The following LYPD6 variants were observed in gnomAD, a reference collection of about 807,000 sequenced individuals.
LYPD6 encodes ly6/PLAUR domain-containing protein 6.
Under a neutral mutation model 22.7 loss-of-function variants are expected in LYPD6, and 15 were observed. The ratio of observed to expected loss-of-function variants is 0.66; its 90% confidence interval spans 0.44 to 1.02. The LOEUF (loss-of-function observed/expected upper bound fraction) is 1.02, where lower values mean the gene tolerates loss of function less well. LYPD6 is among the 50% of genes least tolerant of loss of function. The probability of loss-of-function intolerance (pLI) is 0.00; values close to 1 mark genes in which losing one functional copy is unlikely to be tolerated. For synonymous variants in LYPD6, 72 were observed against 77.5 expected (o/e 0.93, Z 0.37); for missense variants, 189 against 208.4 (o/e 0.91, Z 0.57).
chr2:149,402,361 T>C (rs955336243), intron 1 of LYPD6, among the ~76,000 whole-genome samples: 1 of 152,154 alleles, frequency 6.6e-6, no homozygotes, highest in African/African-American at 2.4e-5. Context: ...TGTGCAAATA[T>C]CTTTTTCATA....
At chr2:149,361,075 A>G (rs1446693043) in intron 1 of LYPD6, among the ~76,000 whole-genome samples, 1 of 152,224 alleles carries the variant, frequency 6.6e-6, no homozygotes, top group Non-Finnish European at 1.5e-5. Context: ...GTTTATTAAC[A>G]TGTATATTTC....
chr2:149,344,288 TGA>T (rs1054733230), intron 1 of LYPD6, among the ~76,000 whole-genome samples: 4 of 152,228 alleles, frequency 2.6e-5, no homozygotes, highest in Non-Finnish European at 5.9e-5. Context: ...AAGTGCATGT[TGA>T]GATAGTGCAA....
intron 1 of LYPD6, among the ~76,000 whole-genome samples, chr2:149,413,811 T>G (rs1250415904): frequency 2.0e-5 from 3 of 152,118 alleles, no homozygotes; most frequent in Non-Finnish European, 4.4e-5. Flanking sequence ...TGACTGTGGG[T>G]TTTGGGGAAG....
At chr2:149,449,789 TTTGG>T in intron 3 of LYPD6, among the ~76,000 whole-genome samples, 1 of 152,188 alleles carries the variant, frequency 6.6e-6, no homozygotes, top group Non-Finnish European at 1.5e-5. Flanking sequence ...GCTATTTTAC[TTTGG>T]AGGAAAGTCT....
chr2:149,331,689 G>C (rs1366290020), intron 1 of LYPD6, among the ~76,000 whole-genome samples: 3 of 152,174 alleles, frequency 2.0e-5, no homozygotes, highest in Admixed American at 6.5e-5. Flanking sequence ...CTTGTTGGAA[G>C]AACAGCATTG....
intron 1 of LYPD6, among the ~76,000 whole-genome samples, chr2:149,367,177 G>C (rs1573745317): frequency 6.6e-6 from 1 of 152,140 alleles, no homozygotes; most frequent in Non-Finnish European, 1.5e-5. Flanking sequence ...GGTGGGTCCT[G>C]TGCTTCAGGG....
chr2:149,384,090 A>G (rs890584076), intron 1 of LYPD6, among the ~76,000 whole-genome samples: 7 of 152,312 alleles, frequency 4.6e-5, no homozygotes, highest in South Asian at 2.1e-4. Flanking sequence ...TTCATGTTCC[A>G]TAGTAGAATC....
chr2:149,407,205 T>C (rs181648776), intron 1 of LYPD6, among the ~76,000 whole-genome samples: 49 of 152,318 alleles, frequency 3.2e-4, no homozygotes, highest in East Asian at 1.9e-3. Context: ...CTGACAATTA[T>C]GTGTCTTGGA....
At chr2:149,388,833 G>A (rs1189922334) in intron 1 of LYPD6, among the ~76,000 whole-genome samples, 1 of 152,152 alleles carries the variant, frequency 6.6e-6, no homozygotes, top group Non-Finnish European at 1.5e-5. Context: ...TAACATTCAA[G>A]TTAATAGTAC....
chr2:149,397,137 A>G (rs546181228), intron 1 of LYPD6, among the ~76,000 whole-genome samples: 2 of 152,334 alleles, frequency 1.3e-5, no homozygotes, highest in East Asian at 3.9e-4. Flanking sequence ...GGCCAGCAGT[A>G]TATAATGAAC....
chr2:149,444,524 C>A (rs11887612), intron 2 of LYPD6, among the ~76,000 whole-genome samples: 43,698 of 152,116 alleles, frequency 0.29, 8,014 homozygotes, highest in African/African-American at 0.53. Flanking sequence ...TTCTTTCAAA[C>A]TTGGAATTAA....
At chr2:149,428,486 G>T (rs903736684) in intron 1 of LYPD6, among the ~76,000 whole-genome samples, 3 of 152,166 alleles carry the variant, frequency 2.0e-5, no homozygotes, top group Non-Finnish European at 4.4e-5. Flanking sequence ...CCTCCATGAT[G>T]GGAGGAACAT....
chr2:149,379,383 C>T (rs1469832830), intron 1 of LYPD6, among the ~76,000 whole-genome samples: 1 of 152,168 alleles, frequency 6.6e-6, no homozygotes, highest in Non-Finnish European at 1.5e-5. Context: ...GGTTTACAAA[C>T]CACTTACCTT....
chr2:149,371,248 G>A (rs1681802159), intron 1 of LYPD6, among the ~76,000 whole-genome samples: 1 of 152,112 alleles, frequency 6.6e-6, no homozygotes, highest in Admixed American at 6.5e-5. Context: ...GCTGTCATTG[G>A]CAAAGCACGT....
chr2:149,485,742 G>A, the LYPD6 span, among the ~76,000 whole-genome samples: 2 of 152,142 alleles, frequency 1.3e-5, no homozygotes, highest in African/African-American at 4.8e-5. Context: ...AGCATTTTAA[G>A]ATAATTTCAT....
chr2:149,464,944 A>AG (rs1230265095), intron 3 of LYPD6, among the ~76,000 whole-genome samples: 1 of 152,072 alleles, frequency 6.6e-6, no homozygotes, highest in African/African-American at 2.4e-5. Flanking sequence ...AAAAGATGCA[A>AG]GGGGGAGGGA....
chr2:149,371,533 G>A (rs1681809613), intron 1 of LYPD6, among the ~76,000 whole-genome samples: 1 of 152,208 alleles, frequency 6.6e-6, no homozygotes, highest in African/African-American at 2.4e-5. Flanking sequence ...GTTAATTTAT[G>A]TTTCAAATGG....
Position 149,356,583 on chromosome 2 carries a change from AG to A in LYPD6, c.-72+25863del, listed in dbSNP as rs1681454464. Among the ~76,000 whole-genome samples the A allele has an allele frequency of 3.3e-5, 5 of 152,124 alleles. No homozygotes were observed. In the South Asian group the frequency reaches 1.0e-3, roughly 32 times the overall value. On this transcript the variant is annotated intron_variant, in intron 1 of 4. Coordinates refer to ENST00000334166, the MANE Select transcript of LYPD6 (RefSeq NM_194317.5). ...TGGGGCAAGACATATTGTAGACAGG[AG>A]GAGAATTTCTGGGTTGGTGATTTAG...
downstream of LYPD6, among the ~76,000 whole-genome samples, chr2:149,478,669 C>T (rs1272032654): frequency 6.6e-6 from 1 of 152,110 alleles, no homozygotes; most frequent in Non-Finnish European, 1.5e-5. Context: ...AGTGATCTGC[C>T]AGCCTCAGCC....
Sources: allele counts gnomAD v4.1 joint callset (sites outside exome capture counted in the v4.1 genomes callset), GRCh38; gene constraint gnomAD v4.1.1; transcripts MANE v1.5; gene names NCBI Gene and HGNC (gene_info 2026-07-23, HGNC 2026-07-21).